Variants in EYA3 observed in about 807,000 individuals in gnomAD.
EYA3 encodes the protein protein phosphatase EYA3.
A neutral mutation model predicts 80.0 loss-of-function variants in EYA3; 39 were observed. That is an observed-to-expected ratio of 0.49 (90% CI 0.38 to 0.64). EYA3 has a LOEUF of 0.64. Ranked by LOEUF, EYA3 falls within the 30% of genes least tolerant of loss-of-function variation. The pLI, the probability that EYA3 is intolerant of heterozygous loss-of-function variation, is 0.00. For missense variants in EYA3, 523 were observed against 676.1 expected (o/e 0.77, Z 2.51); for synonymous variants, 206 against 232.8 (o/e 0.88, Z 1.05).
intron 3 of EYA3, among the ~76,000 whole-genome samples, chr1:28,043,321 C>CT (rs1019664693): frequency 9.6e-6 from 1 of 103,716 alleles, no homozygotes; most frequent in African/African-American, 4.2e-5. Flanking sequence ...ACACCTTTTG[C>CT]TTTTTTGTGA....
intron 1 of EYA3, among the ~76,000 whole-genome samples, chr1:28,074,459 AC>A (rs969118454): frequency 5.9e-5 from 9 of 151,992 alleles, no homozygotes; most frequent in Admixed American, 6.6e-5. Flanking sequence ...AATATAGTTC[AC>A]AAAACCTTAC....
intron 16 of EYA3, among the ~76,000 whole-genome samples, chr1:27,985,306 C>T (rs1212839048): frequency 1.3e-5 from 2 of 151,932 alleles, no homozygotes; most frequent in Non-Finnish European, 2.9e-5. Flanking sequence ...CTTGAACCCC[C>T]GGGCTCAAGC....
In EYA3 at chr1:27,997,378, C is replaced by G; in HGVS notation, c.1084G>C (p.Glu362Gln). The G allele has an allele frequency of 6.2e-7, 1 of 1,613,928 alleles. No homozygotes were observed. The highest frequency in any genetic ancestry group is 8.5e-7 in the Non-Finnish European group (1 of 1,179,840). ...DTHLFFNDLEECDQVHVEDVA... is the reference protein window; with the variant it reads ...DTHLFFNDLEQCDQVHVEDVA... ...TCTTCCACATGTACCTGGTCACACT[C>G]CTGTTAAAAGACAAAACATATTACT... The change falls in exon 13 of 18, where the codon GAG becomes CAG. Residue 362 changes from glutamate to glutamine, a missense_variant and splice_region_variant. Physicochemically the swap from Glu to Gln is conservative, Grantham distance 29. Coordinates refer to ENST00000373871, the MANE Select transcript of EYA3 (RefSeq NM_001990.4).
Position 27,997,336 on chromosome 1 carries a change from T to C in EYA3, c.1126A>G (p.Asn376Asp), listed in dbSNP as rs753597117. The change falls in exon 13 of 18, where the codon AAT (asparagine) becomes GAT (aspartate). Residue 376 changes from asparagine (N) to aspartate (D), a missense_variant. By Grantham distance (23) the Asn-to-Asp change is conservative (BLOSUM62 1). This residue lies in a region of EYA3 where 219 missense variants were observed against 332.8 expected (regional missense o/e 0.66). Coordinates refer to ENST00000373871, the MANE Select transcript of EYA3 (RefSeq NM_001990.4). ...VHVEDVASDD[N>D]GQDLSNYSFS... ...GTTTATCACCTCAAGTCTTGGCCAT[T>C]GTCATCAGAAGCCACATCTTCCACA... The C allele has an allele frequency of 3.1e-6, 5 of 1,614,088 alleles. No individual in the cohort carries two copies. Among genetic ancestry groups the C allele is most frequent in the Non-Finnish European group, 4.2e-6 (5 of 1,179,948 alleles).
intron 10 of EYA3, among the ~76,000 whole-genome samples, chr1:28,006,058 T>C (rs1641247252): frequency 6.6e-6 from 1 of 151,134 alleles, no homozygotes; most frequent in Admixed American, 6.6e-5. Flanking sequence ...TGAGCTGAGA[T>C]TGTGCCACTG....
chr1:28,044,963 G>A (rs888770984), intron 3 of EYA3, among the ~76,000 whole-genome samples: 3 of 152,004 alleles, frequency 2.0e-5, no homozygotes, highest in Admixed American at 6.6e-5. Context: ...GTAGAGATAG[G>A]GTTTCATCAT....
intron 7 of EYA3, among the ~76,000 whole-genome samples, chr1:28,022,315 A>G (rs1483565890): frequency 4.0e-5 from 6 of 151,790 alleles, no homozygotes. Flanking sequence ...CACCCAGATA[A>G]TTTTTTGTAT....
chr1:28,064,328 A>G (rs1644749454), intron 1 of EYA3, among the ~76,000 whole-genome samples: 1 of 151,508 alleles, frequency 6.6e-6, no homozygotes, highest in Non-Finnish European at 1.5e-5. Context: ...ATTTTTCAAC[A>G]TGCAGTTAGG....
Position 28,043,131 on chromosome 1 carries a change from C to T in EYA3, c.78-481G>A, listed in dbSNP as rs527317154. 3.7e-4 allele frequency among the ~76,000 whole-genome samples: 57 copies of T among 152,264 alleles called. No homozygotes were observed. In the South Asian group the frequency reaches 0.011, roughly 30 times the overall value. On this transcript the variant is annotated intron_variant, in intron 3 of 17. Transcript: ENST00000373871. ...GTGCTGGGATTACAGGTGTGAGCCA[C>T]CACGCCCAGTCTACTGTTCTTTCTT...
intron 1 of EYA3, among the ~76,000 whole-genome samples, chr1:28,082,666 T>C (rs1359536780): frequency 6.6e-6 from 1 of 152,172 alleles, no homozygotes; most frequent in Non-Finnish European, 1.5e-5. Context: ...TCAGTTTTAG[T>C]CTTCTGTTTT....
At chr1:27,981,526 C>T (rs920379799) in intron 16 of EYA3, among the ~76,000 whole-genome samples, 32 of 152,208 alleles carry the variant, frequency 2.1e-4, no homozygotes, top group African/African-American at 7.7e-4. Context: ...TGTTCCCTTC[C>T]ACCCAATCCC....
At chr1:28,050,495 C>G (rs1295559406) in intron 2 of EYA3, among the ~76,000 whole-genome samples, 2 of 151,992 alleles carry the variant, frequency 1.3e-5, no homozygotes, top group Non-Finnish European at 2.9e-5. Flanking sequence ...AGCCACTGCG[C>G]CTGGCCAAAA....
chr1:28,013,250 G>C lies in EYA3; in HGVS notation c.630C>G (p.Ala210=). Residue 210 remains alanine (A), a synonymous_variant, in exon 9 of 18, where the codon GCC becomes GCG. Transcript: ENST00000373871. The surrounding 1 kb of genome is among the most constrained non-coding windows in gnomAD (Gnocchi z 4.0). The stretch of plus-strand genomic sequence containing the variant: ...CTCCAAAGCTGGAGCTGGGGTAGCA[G>C]GCCTGGTACTGATTCTGACCAAGAA... ...YTILGQNQYQ[A]CYPSSSFGVT... 1 of 1,614,124 alleles carries C rather than the reference G, an allele frequency of 6.2e-7. No homozygotes were observed. Among genetic ancestry groups the C allele is most frequent in the South Asian group, 1.1e-5 (1 of 91,078 alleles).
chr1:28,066,963 T>C (rs922547711), intron 1 of EYA3, among the ~76,000 whole-genome samples: 2 of 151,898 alleles, frequency 1.3e-5, no homozygotes, highest in Non-Finnish European at 2.9e-5. Flanking sequence ...GAAATATAAA[T>C]TGCAATATTC....
At chr1:28,007,425 C>T (rs1171761459) in intron 10 of EYA3, among the ~76,000 whole-genome samples, 1 of 151,326 alleles carries the variant, frequency 6.6e-6, no homozygotes, top group Admixed American at 6.6e-5. Context: ...ACCTCCGCCT[C>T]CCAGGTTGAA....
intron 9 of EYA3, 24 bp from the exon 10 acceptor site, chr1:28,011,110 T>G: frequency 6.2e-7 from 1 of 1,607,468 alleles, no homozygotes; most frequent in Non-Finnish European, 8.5e-7. Flanking sequence ...GTGAAACATA[T>G]GTTGTCAGGA....
At chr1:28,041,345 CAA>C (rs1325920354) in intron 4 of EYA3, among the ~76,000 whole-genome samples, 1 of 151,886 alleles carries the variant, frequency 6.6e-6, no homozygotes, top group Non-Finnish European at 1.5e-5. Context: ...GCCTGGGTGA[CAA>C]GAGCGAAACT....
At chr1:27,990,328 G>T in intron 14 of EYA3, 1 of 158,172 alleles carries the variant, frequency 6.3e-6, no homozygotes. Flanking sequence ...AGCCCAGGAA[G>T]CACTAGTTTA....
At chr1:28,030,196 G>C (rs969705978) in intron 6 of EYA3, among the ~76,000 whole-genome samples, 3 of 152,220 alleles carry the variant, frequency 2.0e-5, no homozygotes, top group Non-Finnish European at 4.4e-5. Context: ...AGATACTTCA[G>C]TGCAACTCAG....
Sources: allele counts gnomAD v4.1 joint callset (sites outside exome capture counted in the v4.1 genomes callset), GRCh38; gene constraint gnomAD v4.1.1; regional missense constraint gnomAD v4.1.1; non-coding constraint Gnocchi (gnomAD v3.1); transcripts MANE v1.5; gene names NCBI Gene and HGNC (gene_info 2026-07-23, HGNC 2026-07-21).